The following SH3BGR variants were observed in gnomAD, a reference collection of about 807,000 sequenced individuals.
SH3BGR encodes SH3 domain binding glutamate rich protein.
A neutral mutation model predicts 24.5 loss-of-function variants in SH3BGR; 29 were observed. The observed-to-expected ratio is 1.18, with a 90% CI of 0.88 to 1.61. The LOEUF (loss-of-function observed/expected upper bound fraction) is 1.61, where lower values mean the gene tolerates loss of function less well. Among genes scored for constraint, SH3BGR ranks in the 40% most tolerant of loss-of-function variants. The pLI, the probability that SH3BGR is intolerant of heterozygous loss-of-function variation, is 0.00. For missense variants in SH3BGR, 162 were observed against 205.8 expected, an observed-to-expected ratio of 0.79 and a Z score of 1.30; for synonymous variants, 55 against 65.7, an observed-to-expected ratio of 0.84 and a Z score of 0.79.
At chr21:39,485,517 G>A (rs749201745) in intron 3 of SH3BGR, among the ~76,000 whole-genome samples, 77 of 152,146 alleles carry the variant, frequency 5.1e-4, no homozygotes, top group Admixed American at 9.2e-4. Flanking sequence ...CAGTATTCCA[G>A]ACAAAAATTA....
intron 4 of SH3BGR, among the ~76,000 whole-genome samples, chr21:39,502,081 G>C (rs1434343895): frequency 1.3e-5 from 2 of 152,232 alleles, no homozygotes; most frequent in Admixed American, 1.3e-4. Context: ...GCTGAGGTGG[G>C]AGGATCGCTT....
intron 3 of SH3BGR, among the ~76,000 whole-genome samples, chr21:39,484,915 A>C (rs1412567742): frequency 6.6e-6 from 1 of 152,260 alleles, no homozygotes; most frequent in Non-Finnish European, 1.5e-5. Flanking sequence ...GATTGTGGAA[A>C]GGTGTCAGCA....
intron 2 of SH3BGR, among the ~76,000 whole-genome samples, chr21:39,470,262 CT>C (rs1004775869): frequency 4.5e-3 from 646 of 144,510 alleles, no homozygotes; most frequent in African/African-American, 7.1e-3. Flanking sequence ...TTGTCCCAAA[CT>C]TTTTTTTTTT....
At position 39,503,099 on chromosome 21, in the gene SH3BGR, C is replaced by T. The variant is rs550049398; in HGVS notation, c.405+3184C>T. 6.2e-4 allele frequency among the ~76,000 whole-genome samples: 95 copies of T among 152,068 alleles called. 1 individual carries two copies. The highest frequency in any genetic ancestry group is 2.1e-3 in the African/African-American group (88 of 41,474). ...GGGTGGAAAGCCAGAACAAATAGGTCGCCTGTGGGAAGAGAAAATAACTCT... is the reference window on the plus strand; with the variant it reads ...GGGTGGAAAGCCAGAACAAATAGGTTGCCTGTGGGAAGAGAAAATAACTCT... On this transcript the variant is annotated intron_variant, in intron 4 of 6. Coordinates refer to ENST00000333634, the MANE Select transcript of SH3BGR (RefSeq NM_007341.3).
intron 3 of SH3BGR, among the ~76,000 whole-genome samples, chr21:39,497,598 CA>C (rs1417882858): frequency 6.6e-6 from 1 of 151,692 alleles, no homozygotes; most frequent in Non-Finnish European, 1.5e-5. Flanking sequence ...AAAGCACAAA[CA>C]ACTCAAGTAA....
upstream of SH3BGR, among the ~76,000 whole-genome samples, chr21:39,451,176 CACAAATATATAT>C (rs2077569980): frequency 1.3e-5 from 2 of 152,152 alleles, no homozygotes; most frequent in Non-Finnish European, 2.9e-5. Flanking sequence ...CATGTATAAA[CACAAATATATAT>C]AAATAAACAC....
upstream of SH3BGR, among the ~76,000 whole-genome samples, chr21:39,450,661 G>A (rs1217031838): frequency 6.6e-6 from 1 of 152,190 alleles, no homozygotes; most frequent in Non-Finnish European, 1.5e-5. Flanking sequence ...TATCCCCCAA[G>A]TGCTTCTTGA....
chr21:39,498,002 T>A (rs2078427929), intron 3 of SH3BGR, among the ~76,000 whole-genome samples: 2 of 152,232 alleles, frequency 1.3e-5, no homozygotes, highest in Non-Finnish European at 2.9e-5. Context: ...ACCCATTGAC[T>A]GGGAAATGTT....
chr21:39,469,547 T>G (rs2077901619), intron 2 of SH3BGR, among the ~76,000 whole-genome samples: 1 of 151,908 alleles, frequency 6.6e-6, no homozygotes, highest in Non-Finnish European at 1.5e-5. Context: ...CCTTTTTTTC[T>G]TCTCTAATGT....
chr21:39,499,272 A>ATCTATCTG (rs1555914120), intron 3 of SH3BGR, among the ~76,000 whole-genome samples: 22 of 150,256 alleles, frequency 1.5e-4, no homozygotes, highest in African/African-American at 5.2e-4. Context: ...CTATCTGTCT[A>ATCTATCTG]TCTATCTATG....
At chr21:39,465,850 C>T (rs767507865) in intron 2 of SH3BGR, among the ~76,000 whole-genome samples, 4 of 152,152 alleles carry the variant, frequency 2.6e-5, no homozygotes, top group East Asian at 3.9e-4. Flanking sequence ...TCTTGCCTCC[C>T]GTAGTGTTGG....
intron 6 of SH3BGR, 139 bp from the exon 7 acceptor site, chr21:39,514,949 G>T: frequency 6.8e-6 from 2 of 292,620 alleles, no homozygotes; most frequent in South Asian, 3.3e-5. Context: ...TTTCCTTTCA[G>T]TGGGGAGCAA....
upstream of SH3BGR, chr21:39,445,898 TG>T (rs908102152): frequency 1.3e-5 from 2 of 152,194 alleles, no homozygotes; most frequent in African/African-American, 4.8e-5. Flanking sequence ...TGGAGGTCAG[TG>T]TGGCCTCGCG....
intron 1 of SH3BGR, among the ~76,000 whole-genome samples, chr21:39,459,897 G>C (rs1051956742): frequency 6.6e-6 from 1 of 152,132 alleles, no homozygotes; most frequent in South Asian, 2.1e-4. Context: ...GTTTCTCCCT[G>C]TGGTTATTAA....
At chr21:39,505,661 A>C (rs1261248909) in intron 4 of SH3BGR, among the ~76,000 whole-genome samples, 1 of 152,126 alleles carries the variant, frequency 6.6e-6, no homozygotes, top group Admixed American at 6.5e-5. Flanking sequence ...GCTCCTTGGG[A>C]GCCTGAGGCA....
intron 3 of SH3BGR, among the ~76,000 whole-genome samples, chr21:39,485,612 T>C (rs1376757901): frequency 6.6e-6 from 1 of 152,154 alleles, no homozygotes; most frequent in African/African-American, 2.4e-5. Flanking sequence ...AGTCGTCTAA[T>C]GAACCCATCT....
chr21:39,483,251 A>G (rs542122405), intron 3 of SH3BGR, among the ~76,000 whole-genome samples: 3 of 152,372 alleles, frequency 2.0e-5, no homozygotes, highest in Admixed American at 1.3e-4. Context: ...CTTATTTTCC[A>G]GTGTGCAGAG....
intron 2 of SH3BGR, among the ~76,000 whole-genome samples, chr21:39,465,921 C>G (rs1288573726): frequency 2.0e-5 from 3 of 152,156 alleles, no homozygotes. Context: ...CAAAATGTTC[C>G]ATTGTGTGTG....
At chr21:39,480,534 G>T (rs190847160) in intron 3 of SH3BGR, among the ~76,000 whole-genome samples, 1 of 152,292 alleles carries the variant, frequency 6.6e-6, no homozygotes, top group East Asian at 1.9e-4. Flanking sequence ...TTCTTTCTTT[G>T]TTAGGGCAGA....
Sources: allele counts gnomAD v4.1 joint callset (sites outside exome capture counted in the v4.1 genomes callset), GRCh38; gene constraint gnomAD v4.1.1; transcripts MANE v1.5; gene names NCBI Gene and HGNC (gene_info 2026-07-23, HGNC 2026-07-21).